The following FAT4 variants were observed in gnomAD, a reference collection of about 807,000 sequenced individuals.
The protein encoded by FAT4 is protocadherin Fat 4.
In FAT4, 84 loss-of-function variants were observed where a neutral mutation model predicts 303.9. The ratio of observed to expected loss-of-function variants is 0.28; its 90% CI spans 0.23 to 0.33. The LOEUF (loss-of-function observed/expected upper bound fraction) is 0.33, where lower values mean the gene tolerates loss of function less well. FAT4 is among the 10% of genes least tolerant of loss of function. The pLI, the probability that FAT4 is intolerant of heterozygous loss-of-function variation, is 1.00. For missense variants in FAT4, 6,005 were observed against 6,146.8 expected (o/e 0.98, Z 0.77); for synonymous variants, 2,307 against 2,298.8 (o/e 1.00, Z -0.10).
At chr4:125,413,205 G>C (rs1278854027) in intron 5 of FAT4, among the ~76,000 whole-genome samples, 1 of 151,696 alleles carries the variant, frequency 6.6e-6, no homozygotes, top group African/African-American at 2.4e-5. Flanking sequence ...ATCCTCTAAA[G>C]CCTGTGGAAT....
intron 4 of FAT4, among the ~76,000 whole-genome samples, chr4:125,407,807 C>T (rs982373478): frequency 1.3e-5 from 2 of 151,874 alleles, no homozygotes; most frequent in Non-Finnish European, 2.9e-5. Context: ...ATGCTTCATT[C>T]CCATTATTGG....
At chr4:125,488,605 A>G (rs1727493081) in intron 17 of FAT4, among the ~76,000 whole-genome samples, 1 of 152,226 alleles carries the variant, frequency 6.6e-6, no homozygotes, top group South Asian at 2.1e-4. Flanking sequence ...TTCTCAACTC[A>G]AAGAAGGGTA....
chr4:125,486,794 C>T (rs1727426478), intron 16 of FAT4, among the ~76,000 whole-genome samples: 2 of 152,240 alleles, frequency 1.3e-5, no homozygotes, highest in South Asian at 4.1e-4. Context: ...AGTTTTTGAT[C>T]TCAATAAATG....
At position 125,316,784 on chromosome 4, in the gene FAT4, G is replaced by T. The variant is rs767485232; in HGVS notation, c.373G>T (p.Val125Leu). ...CTACCCCACCGAAGTGCGAGTGCTGGTGCGGGACCTCAATGACAACGCCCC... is the reference window on the plus strand; with the variant it reads ...CTACCCCACCGAAGTGCGAGTGCTGTTGCGGGACCTCAATGACAACGCCCC... ...PTYPTEVRVL[V>L]RDLNDNAPVF... is the part of the protein sequence containing the mutation. Residue 125 changes from valine to leucine, a missense_variant, in exon 2 of 18, where the codon GTG becomes TTG. Val to Leu is a conservative substitution (Grantham distance 32). Transcript: ENST00000394329. The surrounding 1 kb of genome is among the most constrained non-coding windows in gnomAD (Gnocchi z 5.7). The T allele has an allele frequency of 6.2e-7, 1 of 1,614,054 alleles. No homozygotes were observed. The highest frequency in any genetic ancestry group is 2.2e-5 in the East Asian group (1 of 44,856).
chr4:125,419,609 T>C (rs768694760), intron 7 of FAT4, among the ~76,000 whole-genome samples: 1 of 152,198 alleles, frequency 6.6e-6, no homozygotes, highest in African/African-American at 2.4e-5. Flanking sequence ...CAGTGATTTC[T>C]AAGAATAAAA....
At chr4:125,383,011 G>T (rs867106926) in intron 2 of FAT4, among the ~76,000 whole-genome samples, 7 of 152,274 alleles carry the variant, frequency 4.6e-5, no homozygotes, top group South Asian at 2.1e-4. Context: ...GTCTTGCTCT[G>T]TATTAGGCTT....
intron 7 of FAT4, among the ~76,000 whole-genome samples, chr4:125,428,061 G>A (rs2126038710): frequency 6.6e-6 from 1 of 152,144 alleles, no homozygotes; most frequent in South Asian, 2.1e-4. Flanking sequence ...CACTTTTGGA[G>A]GCTGAGGCAG....
At position 125,449,860 on chromosome 4, in the gene FAT4, G is replaced by A. The variant is rs747579225; in HGVS notation, c.8850G>A (p.Arg2950=). Residue 2950 remains arginine, a synonymous_variant, in exon 10 of 18, where the codon AGG becomes AGA. Coordinates refer to ENST00000394329, the MANE Select transcript of FAT4 (RefSeq NM_001291303.3). Reference sequence around the variant, plus strand: ...GCTTCAGTAATGTGAATATCAACAGGCATAGTTTTATAGTGACATCTTCAG... The same window carrying A: ...GCTTCAGTAATGTGAATATCAACAGACATAGTTTTATAGTGACATCTTCAG... The part of the protein sequence containing the change: ...VTGFSNVNIN[R]HSFIVTSSDR... The A allele has an allele frequency of 2.5e-6, 4 of 1,613,708 alleles. No individual in the cohort carries two copies. In the African/African-American group the frequency reaches 4.0e-5, roughly 16 times the overall value.
In FAT4 at chr4:125,449,413, A is replaced by G; in HGVS notation, c.8403A>G (p.Glu2801=). The G allele has an allele frequency of 6.2e-7, 1 of 1,613,782 alleles. No homozygotes were observed. Among genetic ancestry groups the G allele is most frequent in the Non-Finnish European group, 8.5e-7 (1 of 1,179,822 alleles). The change falls in exon 10 of 18, where the codon GAA becomes GAG. Residue 2801 remains glutamate (E), a synonymous_variant. Transcript: ENST00000394329. Reference sequence around the variant, plus strand: ...TTACCCGTGTCACAACTTCTGATGAAGACATTGGGATCAATGCAATTAGTA... The same window carrying G: ...TTACCCGTGTCACAACTTCTGATGAGGACATTGGGATCAATGCAATTAGTA... ...YTVTRVTTSD[E]DIGINAISRY...
At chr4:125,369,226 C>A (rs905372102) in intron 2 of FAT4, among the ~76,000 whole-genome samples, 6 of 152,148 alleles carry the variant, frequency 3.9e-5, no homozygotes, top group African/African-American at 1.4e-4. Context: ...GACCTCTAAT[C>A]TGAATTGAAT....
In FAT4 at chr4:125,318,826, C is replaced by G; in HGVS notation, c.2415C>G (p.Asn805Lys). 8 of 1,614,134 alleles carry G rather than the reference C, an allele frequency of 5.0e-6. No homozygotes were observed. The highest frequency in any genetic ancestry group is 2.2e-5 in the East Asian group (1 of 44,874). ...CCTACAGCTTTGTGGTTTTTGAGAA[C>G]GTGGCGCTGGGATATCATGTGGGTA... Reference protein sequence around the residue: ...QVAYSFVVFENVALGYHVGSV... With the variant: ...QVAYSFVVFEKVALGYHVGSV... Residue 805 changes from asparagine (N) to lysine (K), a missense_variant, in exon 2 of 18, where the codon AAC (asparagine) becomes AAG (lysine). By Grantham distance (94) the Asn-to-Lys change is moderately conservative. Transcript: ENST00000394329.
intron 3 of FAT4, among the ~76,000 whole-genome samples, chr4:125,402,964 CAT>C (rs576987161): frequency 3.3e-5 from 5 of 152,064 alleles, no homozygotes; most frequent in Admixed American, 2.0e-4. Context: ...TCAATAATAA[CAT>C]ATAATAGGAA....
At chr4:125,465,079 T>C (rs1244815012) in intron 11 of FAT4, among the ~76,000 whole-genome samples, 1 of 152,196 alleles carries the variant, frequency 6.6e-6, no homozygotes, top group African/African-American at 2.4e-5. Context: ...ATATCTAATT[T>C]TGAGGAATGT....
chr4:125,463,740 A>G (rs540966954), intron 11 of FAT4, 73 bp downstream of exon 11: 43 of 1,032,494 alleles, frequency 4.2e-5, no homozygotes, highest in Non-Finnish European at 5.3e-5. Context: ...TTGTTTTATT[A>G]TGAGTATGAA....
In FAT4 at chr4:125,408,575, A is replaced by T; in HGVS notation, c.5701A>T (p.Thr1901Ser). 1 of 1,612,668 alleles carries T rather than the reference A, an allele frequency of 6.2e-7. No homozygotes were observed. Among genetic ancestry groups the T allele is most frequent in the Non-Finnish European group, 8.5e-7 (1 of 1,179,266 alleles). ...LNPITGVFNL[T>S]RLLDYEVQQY... ...TCCTATTACTGGGGTCTTTAATTTG[A>T]CTCGATTATTAGATTATGAAGTACA... The change falls in exon 5 of 18, where the codon ACT (threonine) becomes TCT (serine). Residue 1901 changes from threonine (T) to serine (S), a missense_variant. Transcript: ENST00000394329.
chr4:125,484,578 A>C (rs2126089861), intron 16 of FAT4, among the ~76,000 whole-genome samples: 1 of 152,288 alleles, frequency 6.6e-6, no homozygotes, highest in African/African-American at 2.4e-5. Context: ...TGAGTTGCAT[A>C]ATGACAGGAA....
intron 5 of FAT4, among the ~76,000 whole-genome samples, chr4:125,414,148 C>T (rs1409735214): frequency 6.6e-6 from 1 of 151,944 alleles, no homozygotes; most frequent in African/African-American, 2.4e-5. Context: ...GATGTATATG[C>T]TCCACATCAT....
chr4:125,382,140 C>T (rs763849859), intron 2 of FAT4, among the ~76,000 whole-genome samples: 2 of 152,150 alleles, frequency 1.3e-5, no homozygotes, highest in East Asian at 3.9e-4. Flanking sequence ...CTTCCAAACT[C>T]CTGTTGACGT....
chr4:125,429,989 C>T (rs781751923), intron 7 of FAT4, among the ~76,000 whole-genome samples: 4 of 152,220 alleles, frequency 2.6e-5, no homozygotes, highest in Middle Eastern at 3.4e-3. Flanking sequence ...GGAAGGGTTA[C>T]ATCACACACC....
Sources: gnomAD v4.1 joint callset for allele counts (sites outside exome capture counted in the v4.1 genomes callset) on GRCh38, gnomAD v4.1.1 for gene constraint, Gnocchi (gnomAD v3.1) non-coding constraint, MANE v1.5 for transcripts, NCBI Gene and HGNC (gene_info 2026-07-23, HGNC 2026-07-21) for gene names.